VEGFC: variants seen among roughly 807,000 people sequenced by gnomAD.
VEGFC encodes the protein vascular endothelial growth factor C, also known as FLT4 ligand DHM.
Under a neutral mutation model 46.1 loss-of-function variants are expected in VEGFC, and 12 were observed. The observed-to-expected ratio is 0.26, with a 90% CI of 0.17 to 0.42. The LOEUF (loss-of-function observed/expected upper bound fraction) is 0.42. VEGFC is among the 10% of genes least tolerant of loss of function. The pLI, the probability that VEGFC is intolerant of heterozygous loss-of-function variation, is 1.00. For missense variants in VEGFC, 488 were observed against 529.4 expected, an observed-to-expected ratio of 0.92 and a Z score of 0.77; for synonymous variants, 232 against 195.5, an observed-to-expected ratio of 1.19 and a Z score of -1.56.
chr4:176,728,001 C>T (rs374715285), intron 2 of VEGFC, 33 bp from the exon 3 acceptor site: 51 of 1,523,448 alleles, frequency 3.3e-5, no homozygotes, highest in South Asian at 4.0e-5. Context: ...GTAAGTTTTA[C>T]GGAAACCACC....
At chr4:176,719,103 A>G (rs1200748966) in intron 3 of VEGFC, among the ~76,000 whole-genome samples, 1 of 152,150 alleles carries the variant, frequency 6.6e-6, no homozygotes, top group Non-Finnish European at 1.5e-5. Flanking sequence ...TTACTTTTCA[A>G]TGAACAGCTG....
At chr4:176,736,293 T>C (rs1049758842) in intron 1 of VEGFC, among the ~76,000 whole-genome samples, 1 of 151,876 alleles carries the variant, frequency 6.6e-6, no homozygotes, top group African/African-American at 2.4e-5. Context: ...AGGTAAATTT[T>C]GTAGTGTTTT....
intron 1 of VEGFC, among the ~76,000 whole-genome samples, chr4:176,780,762 G>A (rs867346272): frequency 6.6e-6 from 1 of 152,164 alleles, no homozygotes. Context: ...AGTCTTCTAC[G>A]TGTGTCGTGT....
chr4:176,791,547 A>AT (rs1342176139), intron 1 of VEGFC, among the ~76,000 whole-genome samples: 3 of 136,808 alleles, frequency 2.2e-5, no homozygotes, highest in African/African-American at 4.9e-5. Context: ...TGAAGAGCTT[A>AT]TAAAGTTGAA....
chr4:176,732,434 A>C (rs941029861), intron 1 of VEGFC, among the ~76,000 whole-genome samples: 1 of 151,948 alleles, frequency 6.6e-6, no homozygotes, highest in African/African-American at 2.4e-5. Flanking sequence ...TTGAATTTTA[A>C]TCTGGGGGTC....
intron 3 of VEGFC, among the ~76,000 whole-genome samples, chr4:176,724,240 G>A (rs1247857263): frequency 6.6e-6 from 1 of 152,178 alleles, no homozygotes; most frequent in Non-Finnish European, 1.5e-5. Context: ...GAAAAGGCTA[G>A]GGGTCAGGGA....
At chr4:176,786,034 G>C (rs149150676) in intron 1 of VEGFC, among the ~76,000 whole-genome samples, 3 of 151,988 alleles carry the variant, frequency 2.0e-5, no homozygotes, top group African/African-American at 7.2e-5. Flanking sequence ...AGAGGAGTTC[G>C]AATACCATAT....
chr4:176,766,127 A>T (rs191917007), intron 1 of VEGFC, among the ~76,000 whole-genome samples: 54 of 152,332 alleles, frequency 3.5e-4, no homozygotes, highest in Middle Eastern at 3.4e-3. Flanking sequence ...AGAAAAACTT[A>T]AAAATGATTA....
intron 4 of VEGFC, among the ~76,000 whole-genome samples, chr4:176,702,291 A>C (rs1044598610): frequency 2.0e-5 from 3 of 151,712 alleles, no homozygotes. Context: ...CAGCAAATAA[A>C]TAAATATGCA....
chr4:176,722,389 G>A (rs1734802417), intron 3 of VEGFC, among the ~76,000 whole-genome samples: 1 of 151,848 alleles, frequency 6.6e-6, no homozygotes, highest in Non-Finnish European at 1.5e-5. Context: ...TGATGTTTAA[G>A]TACTAAGTAG....
intron 1 of VEGFC, among the ~76,000 whole-genome samples, chr4:176,782,890 G>T (rs1735940229): frequency 6.6e-6 from 1 of 152,160 alleles, no homozygotes; most frequent in Non-Finnish European, 1.5e-5. Flanking sequence ...GAATCCTAGG[G>T]AAGTGAATAC....
intron 1 of VEGFC, among the ~76,000 whole-genome samples, chr4:176,783,140 G>T (rs1735943623): frequency 1.3e-5 from 2 of 152,204 alleles, no homozygotes; most frequent in Non-Finnish European, 2.9e-5. Context: ...AAGCAAATCA[G>T]CTTACTCTCA....
chr4:176,723,137 A>G (rs1389102125), intron 3 of VEGFC, among the ~76,000 whole-genome samples: 1 of 152,206 alleles, frequency 6.6e-6, no homozygotes, highest in Non-Finnish European at 1.5e-5. Flanking sequence ...CAATAGTAAG[A>G]AAGATATAAT....
rs371177737 is a variant in VEGFC, at chr4:176,735,623, A to G, written c.148-5877T>C. On this transcript the variant is annotated intron_variant, in intron 1 of 6. Transcript: ENST00000618562. ...CATTCTGGTGTGTAGGAAGAGTTCA[A>G]TGGAAATTGTGAAACACAAAATGTA... is the stretch of plus-strand genomic sequence containing the variant. Among the ~76,000 whole-genome samples the G allele has an allele frequency of 7.2e-5, 11 of 152,020 alleles. No individual in the cohort carries two copies. In the East Asian group the frequency reaches 1.2e-3, roughly 16 times the overall value.
At chr4:176,750,064 G>T (rs1051153079) in intron 1 of VEGFC, among the ~76,000 whole-genome samples, 3 of 151,594 alleles carry the variant, frequency 2.0e-5, no homozygotes, top group African/African-American at 2.4e-5. Flanking sequence ...AAGAACTAGA[G>T]ATTTTTTTTA....
At chr4:176,716,064 C>A (rs1159211755) in intron 3 of VEGFC, among the ~76,000 whole-genome samples, 2 of 152,106 alleles carry the variant, frequency 1.3e-5, no homozygotes, top group Non-Finnish European at 2.9e-5. Context: ...ATTTCTCTTC[C>A]TCCTCTTCTT....
intron 3 of VEGFC, among the ~76,000 whole-genome samples, chr4:176,725,036 T>C (rs1223790654): frequency 1.3e-5 from 2 of 152,144 alleles, no homozygotes; most frequent in East Asian, 3.8e-4. Flanking sequence ...AACGATATAT[T>C]GTATATTTTT....
chr4:176,787,778 C>A (rs1195021575), intron 1 of VEGFC, among the ~76,000 whole-genome samples: 1 of 152,076 alleles, frequency 6.6e-6, no homozygotes, highest in Non-Finnish European at 1.5e-5. Context: ...AAAACAATTA[C>A]ACAAACCTAA....
chr4:176,792,182 C>A lies in VEGFC; in HGVS notation c.130G>T (p.Asp44Tyr). ...SGLDLSDAEP[D>Y]AGEATAYASK... Reference sequence around the variant, plus strand: ...AGACCTACCGTGGCCTCGCCCGCGTCGGGCTCCGCGTCCGAGAGGTCGAGT... The same window carrying A: ...AGACCTACCGTGGCCTCGCCCGCGTAGGGCTCCGCGTCCGAGAGGTCGAGT... The change falls in exon 1 of 7, where the codon GAC becomes TAC. Residue 44 changes from aspartate (D) to tyrosine (Y), a missense_variant. Transcript: ENST00000618562. The surrounding 1 kb of genome is among the most constrained non-coding windows in gnomAD (Gnocchi z 6.3). 3 of 1,521,236 alleles carry A rather than the reference C, an allele frequency of 2.0e-6. No homozygotes were observed. Among genetic ancestry groups the A allele is most frequent in the Non-Finnish European group, 2.6e-6 (3 of 1,138,874 alleles). The allele number at this position is 1,521,236 out of a possible 1,614,324, so 94.2% of individuals were successfully genotyped here.
Sources: allele counts gnomAD v4.1 joint callset (sites outside exome capture counted in the v4.1 genomes callset), GRCh38; gene constraint gnomAD v4.1.1; non-coding constraint Gnocchi (gnomAD v3.1); transcripts MANE v1.5; gene names NCBI Gene and HGNC (gene_info 2026-07-23, HGNC 2026-07-21).